Variants in BICRAL observed in about 807,000 individuals in gnomAD.
BICRAL encodes the protein BRD4-interacting chromatin-remodeling complex-associated protein-like.
Under a neutral mutation model 91.8 loss-of-function variants are expected in BICRAL, and 8 were observed. The ratio of observed to expected loss-of-function variants is 0.09; its 90% confidence interval spans 0.05 to 0.16. The LOEUF (loss-of-function observed/expected upper bound fraction) is 0.16, where lower values mean the gene tolerates loss of function less well. Among genes scored for constraint, BICRAL ranks in the 10% least tolerant of loss-of-function variants. The probability of loss-of-function intolerance (pLI) is 1.00; values close to 1 mark genes in which losing one functional copy is unlikely to be tolerated. For missense variants in BICRAL, 1,038 were observed against 1,310.9 expected (o/e 0.79, Z 3.21); for synonymous variants, 445 against 491.1 (o/e 0.91, Z 1.24).
chr6:42,809,560 C>T (rs1763800238), intron 1 of BICRAL, among the ~76,000 whole-genome samples: 4 of 151,116 alleles, frequency 2.6e-5, no homozygotes, highest in Admixed American at 1.3e-4. Context: ...CAAGCCTCCT[C>T]ACCTCCCAGA....
chr6:42,858,278 G>A (rs1265513167), intron 10 of BICRAL, among the ~76,000 whole-genome samples: 1 of 150,080 alleles, frequency 6.7e-6, no homozygotes, highest in African/African-American at 2.4e-5. Context: ...CACTTTGGGA[G>A]GCTGAGGCAG....
intron 1 of BICRAL, among the ~76,000 whole-genome samples, chr6:42,773,756 C>G (rs1347875505): frequency 2.0e-5 from 3 of 152,106 alleles, no homozygotes; most frequent in Non-Finnish European, 4.4e-5. Context: ...CTCAGGTGAC[C>G]CATCCGCCTC....
At chr6:42,836,155 A>C (rs904523295) in intron 6 of BICRAL, among the ~76,000 whole-genome samples, 9 of 152,196 alleles carry the variant, frequency 5.9e-5, no homozygotes, top group African/African-American at 2.2e-4. Flanking sequence ...AGACGTTTTC[A>C]CTTAATGATA....
intron 1 of BICRAL, among the ~76,000 whole-genome samples, chr6:42,806,001 C>CA (rs1232245289): frequency 1.9e-3 from 175 of 91,360 alleles, no homozygotes; most frequent in Middle Eastern, 0.01. Flanking sequence ...GACTCCATCT[C>CA]AAAAAAAAAA....
At chr6:42,822,680 G>A in intron 3 of BICRAL, 116 bp from the exon 4 acceptor site, 3 of 549,764 alleles carry the variant, frequency 5.5e-6, no homozygotes, top group South Asian at 2.9e-5. Flanking sequence ...TTAAAATAGG[G>A]AGAGGATTTT....
chr6:42,760,051 CCTGA>C (rs1375873223), intron 1 of BICRAL, among the ~76,000 whole-genome samples: 2 of 152,000 alleles, frequency 1.3e-5, no homozygotes, highest in African/African-American at 4.8e-5. Flanking sequence ...TCGAGACCGG[CCTGA>C]CTAACATGGT....
intron 1 of BICRAL, among the ~76,000 whole-genome samples, chr6:42,804,992 A>G (rs964522356): frequency 2.0e-5 from 3 of 152,140 alleles, no homozygotes; most frequent in Non-Finnish European, 2.9e-5. Flanking sequence ...GGGAGCCACT[A>G]TGTCCAGCCT....
chr6:42,817,714 C>T (rs1468893853), intron 2 of BICRAL, among the ~76,000 whole-genome samples: 1 of 151,866 alleles, frequency 6.6e-6, no homozygotes, highest in Non-Finnish European at 1.5e-5. Context: ...ATTTTTATTG[C>T]CCCAGAAAGA....
At chr6:42,775,215 G>A (rs552980512) in intron 1 of BICRAL, among the ~76,000 whole-genome samples, 1 of 152,196 alleles carries the variant, frequency 6.6e-6, no homozygotes, top group African/African-American at 2.4e-5. Context: ...GATCACAGGC[G>A]TGAGCCACTG....
chr6:42,827,720 C>A (rs1013998318), intron 5 of BICRAL, among the ~76,000 whole-genome samples: 12 of 151,778 alleles, frequency 7.9e-5, no homozygotes, highest in African/African-American at 2.9e-4. Context: ...TCTCTAAAAA[C>A]CAAAAACAAA....
rs774773355 is a variant in BICRAL, at chr6:42,825,946, G to C, written c.160-2547G>C. 3.8e-4 allele frequency among the ~76,000 whole-genome samples: 57 copies of C among 151,774 alleles called. 1 individual carries two copies. The highest frequency in any genetic ancestry group is 2.4e-4 in the Non-Finnish European group (16 of 67,920). ...AAAAATATAAAAATTAGCTGGGCGT[G>C]GTGGTGGGCACCTGTAATCCCAGCT... On this transcript the variant is annotated intron_variant, in intron 5 of 12. Transcript: ENST00000314073.
Position 42,862,545 on chromosome 6 carries a change from T to C in BICRAL, c.2385T>C (p.Asp795=), listed in dbSNP as rs1765585297. 1 of 1,612,028 alleles carries C rather than the reference T, an allele frequency of 6.2e-7. No individual in the cohort carries two copies. Among genetic ancestry groups the C allele is most frequent in the African/African-American group, 1.3e-5 (1 of 75,010 alleles). The change falls in exon 12 of 13, where the codon GAT becomes GAC. Residue 795 remains aspartate (D), a synonymous_variant. Coordinates refer to ENST00000314073, the MANE Select transcript of BICRAL (RefSeq NM_001393499.1). ...INPSAEMVMI[D]RMFNQEERAS... Reference sequence around the variant, plus strand: ...CCTCTGCTGAGATGGTGATGATCGATAGGATGTTCAACCAGGAGGAAAGAG... The same window carrying C: ...CCTCTGCTGAGATGGTGATGATCGACAGGATGTTCAACCAGGAGGAAAGAG...
intron 6 of BICRAL, among the ~76,000 whole-genome samples, chr6:42,850,522 A>C (rs74547804): frequency 6.9e-6 from 1 of 143,986 alleles, no homozygotes; most frequent in East Asian, 2.1e-4. Context: ...TTCATCTTTC[A>C]AAAAAAAAAA....
rs565469403 is a variant in BICRAL at position 42,789,223 on chromosome 6, A to AT, written c.-102+7123dup. 4.9e-4 allele frequency among the ~76,000 whole-genome samples: 74 copies of AT among 152,332 alleles called. 1 individual carries two copies. The highest frequency in any genetic ancestry group is 1.7e-3 in the African/African-American group (72 of 41,568). On this transcript the variant is annotated intron_variant, in intron 1 of 12. Coordinates refer to ENST00000314073, the MANE Select transcript of BICRAL (RefSeq NM_001393499.1). Reference sequence around the variant, plus strand: ...TTTCACAGCAATGTGAATGTATGTAATGCCACTCAACCAAACACTTTTAAA... The same window carrying AT: ...TTTCACAGCAATGTGAATGTATGTAATTGCCACTCAACCAAACACTTTTAAA...
chr6:42,837,123 T>G (rs1436926044), intron 6 of BICRAL, among the ~76,000 whole-genome samples: 1 of 151,342 alleles, frequency 6.6e-6, no homozygotes, highest in African/African-American at 2.4e-5. Flanking sequence ...TTTTTTGTAT[T>G]TTTAGTAGAG....
chr6:42,846,331 G>A (rs564931678), intron 6 of BICRAL, among the ~76,000 whole-genome samples: 95 of 151,974 alleles, frequency 6.3e-4, no homozygotes, highest in African/African-American at 2.0e-3. Flanking sequence ...TCGCGCCATT[G>A]CACTCCAGCC....
At chr6:42,778,310 G>C (rs562893862), upstream of BICRAL, among the ~76,000 whole-genome samples, 3 of 152,200 alleles carry the variant, frequency 2.0e-5, no homozygotes, top group African/African-American at 7.2e-5. Flanking sequence ...CTGACAGAGC[G>C]TGAGTTTTGG....
At chr6:42,834,080 C>G (rs1764575790) in intron 6 of BICRAL, among the ~76,000 whole-genome samples, 1 of 152,288 alleles carries the variant, frequency 6.6e-6, no homozygotes, top group Middle Eastern at 3.4e-3. Flanking sequence ...TCTCGAACTC[C>G]CGACCTCAGG....
At chr6:42,819,030 G>A (rs749302176) in intron 2 of BICRAL, among the ~76,000 whole-genome samples, 4 of 152,264 alleles carry the variant, frequency 2.6e-5, no homozygotes, top group East Asian at 1.9e-4. Flanking sequence ...AGGGGAAGAC[G>A]TCTTGCTCAT....
Sources: allele counts gnomAD v4.1 joint callset (sites outside exome capture counted in the v4.1 genomes callset), GRCh38; gene constraint gnomAD v4.1.1; transcripts MANE v1.5; gene names NCBI Gene and HGNC (gene_info 2026-07-23, HGNC 2026-07-21).